The following KCNQ5 variants were observed in gnomAD, a reference collection of about 807,000 sequenced individuals.
The protein encoded by KCNQ5 is potassium voltage-gated channel subfamily Q member 5.
In KCNQ5, 30 loss-of-function variants were observed where a neutral mutation model predicts 98.2. That is an observed-to-expected ratio of 0.31 (90% CI 0.23 to 0.41). KCNQ5 has a LOEUF of 0.41. Ranked by LOEUF, KCNQ5 falls within the 10% of genes least tolerant of loss-of-function variation. The pLI is 1.00. For missense variants in KCNQ5, 835 were observed against 1,182.5 expected (o/e 0.71, Z 4.31); for synonymous variants, 458 against 449.4 (o/e 1.02, Z -0.24).
At chr6:72,887,057 G>A (rs1562047111) in intron 1 of KCNQ5, among the ~76,000 whole-genome samples, 1 of 152,034 alleles carries the variant, frequency 6.6e-6, no homozygotes, top group African/African-American at 2.4e-5. Context: ...AAAAACTACT[G>A]TAAAACAATT....
chr6:73,189,357 G>C (rs1765503521), intron 11 of KCNQ5, among the ~76,000 whole-genome samples: 1 of 152,184 alleles, frequency 6.6e-6, no homozygotes, highest in Non-Finnish European at 1.5e-5. Context: ...AATGATTCAG[G>C]AATAATTAGG....
chr6:73,150,378 T>C (rs1190933614), intron 10 of KCNQ5, among the ~76,000 whole-genome samples: 1 of 150,492 alleles, frequency 6.6e-6, no homozygotes, highest in South Asian at 2.1e-4. Context: ...ATCCTATATA[T>C]GCATGGTCGT....
chr6:73,112,978 A>G (rs1360880368), intron 7 of KCNQ5, among the ~76,000 whole-genome samples: 15 of 147,516 alleles, frequency 1.0e-4, no homozygotes, highest in Admixed American at 8.9e-4. Context: ...TTTTTTTTAC[A>G]TATTCTTTAC....
At chr6:73,142,136 C>T (rs190174851) in intron 10 of KCNQ5, among the ~76,000 whole-genome samples, 54 of 152,254 alleles carry the variant, frequency 3.5e-4, no homozygotes, top group African/African-American at 1.3e-3. Flanking sequence ...TGAGAGAGTA[C>T]GCAGAGAGAA....
At chr6:72,769,674 G>A (rs935442854) in intron 1 of KCNQ5, among the ~76,000 whole-genome samples, 1 of 151,998 alleles carries the variant, frequency 6.6e-6, no homozygotes, top group African/African-American at 2.4e-5. Context: ...GCCTGCTACT[G>A]ACATACAGAA....
intron 1 of KCNQ5, among the ~76,000 whole-genome samples, chr6:72,669,964 G>C (rs1227129244): frequency 7.0e-6 from 1 of 143,092 alleles, no homozygotes; most frequent in Admixed American, 7.2e-5. Flanking sequence ...AAATCTCTCA[G>C]TTCTGGTTCC....
chr6:72,665,341 C>CAAAAA (rs57257881), intron 1 of KCNQ5, among the ~76,000 whole-genome samples: 1 of 112,968 alleles, frequency 8.9e-6, no homozygotes, highest in Non-Finnish European at 1.7e-5. Flanking sequence ...AATACCCTGT[C>CAAAAA]AAAAAAAAAA....
chr6:72,654,513 A>G (rs1207329327), intron 1 of KCNQ5, among the ~76,000 whole-genome samples: 2 of 152,064 alleles, frequency 1.3e-5, no homozygotes, highest in South Asian at 4.1e-4. Flanking sequence ...ATAAGGAACA[A>G]TGTACTAGGC....
chr6:72,659,700 GAGGGCTTTGCCCTCATGACTTA>G (rs2154472834), intron 1 of KCNQ5, among the ~76,000 whole-genome samples: 1 of 152,284 alleles, frequency 6.6e-6, no homozygotes, highest in South Asian at 2.1e-4. Context: ...ATCTTTTCTT[GAGGGCTTTGCCCTCATGACTTA>G]ATTACCTCCA....
At chr6:72,654,599 A>G (rs1003637917) in intron 1 of KCNQ5, among the ~76,000 whole-genome samples, 4 of 152,072 alleles carry the variant, frequency 2.6e-5, no homozygotes, top group African/African-American at 9.7e-5. Context: ...TAGAGGCTGA[A>G]GACATATCAA....
chr6:72,758,507 A>T (rs1199606595), intron 1 of KCNQ5, among the ~76,000 whole-genome samples: 3 of 152,134 alleles, frequency 2.0e-5, no homozygotes, highest in Admixed American at 1.3e-4. Context: ...GGGGATCAGG[A>T]GTAAATATTC....
intron 1 of KCNQ5, among the ~76,000 whole-genome samples, chr6:72,879,614 G>A (rs1220358797): frequency 6.6e-6 from 1 of 152,010 alleles, no homozygotes; most frequent in African/African-American, 2.4e-5. Context: ...TTAACAGTTT[G>A]TTTAATCGTC....
intron 12 of KCNQ5, among the ~76,000 whole-genome samples, chr6:73,191,192 T>C: frequency 6.6e-6 from 1 of 152,184 alleles, no homozygotes; most frequent in East Asian, 1.9e-4. Flanking sequence ...GGCCTTTCTC[T>C]GACCTTTATA....
chr6:72,923,096 G>C (rs1032730927), intron 1 of KCNQ5, among the ~76,000 whole-genome samples: 3 of 152,084 alleles, frequency 2.0e-5, no homozygotes, highest in Non-Finnish European at 2.9e-5. Flanking sequence ...ACAGATGTGA[G>C]CCACCGCGCC....
chr6:72,795,967 AC>A (rs1774313914), intron 1 of KCNQ5, among the ~76,000 whole-genome samples: 1 of 152,130 alleles, frequency 6.6e-6, no homozygotes, highest in Non-Finnish European at 1.5e-5. Context: ...CTAGGAAAAA[AC>A]AATCACTTCA....
intron 2 of KCNQ5, among the ~76,000 whole-genome samples, chr6:73,007,017 T>A (rs1229008825): frequency 6.6e-6 from 1 of 152,064 alleles, no homozygotes; most frequent in East Asian, 1.9e-4. Context: ...GTGCAGGCCA[T>A]CCCTTTAGAC....
intron 1 of KCNQ5, among the ~76,000 whole-genome samples, chr6:72,836,708 T>G (rs1279460676): frequency 6.6e-6 from 1 of 152,196 alleles, no homozygotes; most frequent in Non-Finnish European, 1.5e-5. Context: ...ATTCATTTTT[T>G]ATGTAAACAC....
chr6:72,847,171 C>T (rs1340229992), intron 1 of KCNQ5, among the ~76,000 whole-genome samples: 2 of 151,910 alleles, frequency 1.3e-5, no homozygotes, highest in Non-Finnish European at 2.9e-5. Flanking sequence ...TTGTTGTTTT[C>T]TTTTTTTCTT....
intron 1 of KCNQ5, among the ~76,000 whole-genome samples, chr6:72,957,114 A>T (rs1296242818): frequency 6.7e-6 from 1 of 149,482 alleles, no homozygotes; most frequent in African/African-American, 2.5e-5. Context: ...CTTCATAATG[A>T]GTAAGGGTGG....
Sources: gnomAD v4.1 joint callset for allele counts (sites outside exome capture counted in the v4.1 genomes callset) on GRCh38, gnomAD v4.1.1 for gene constraint, MANE v1.5 for transcripts, NCBI Gene and HGNC (gene_info 2026-07-23, HGNC 2026-07-21) for gene names.